Variants in CERS4 observed in about 807,000 individuals in gnomAD.
CERS4 encodes the protein ceramide synthase 4, also known as LAG1 homolog, ceramide synthase 4.
Under a neutral mutation model 51.8 loss-of-function variants are expected in CERS4, and 65 were observed. The observed-to-expected ratio is 1.26, with a 90% CI of 1.03 to 1.54. CERS4 has a LOEUF of 1.54. Ranked by LOEUF, CERS4 falls within the 40% of genes most tolerant of loss-of-function variation. CERS4 has a pLI of 0.00. For synonymous variants in CERS4, 228 were observed against 208.4 expected, an observed-to-expected ratio of 1.09 and a Z score of -0.81; for missense variants, 563 against 500.4, an observed-to-expected ratio of 1.13 and a Z score of -1.19.
chr19:8,219,287 G>C (rs1967432844), intron 2 of CERS4, among the ~76,000 whole-genome samples: 1 of 152,190 alleles, frequency 6.6e-6, no homozygotes, highest in Admixed American at 6.5e-5. Context: ...CAGGCTCTGA[G>C]GTCCACAGTT....
chr19:8,223,430 CAACATGTTGA>C (rs1035145091), intron 2 of CERS4, among the ~76,000 whole-genome samples: 2 of 151,638 alleles, frequency 1.3e-5, no homozygotes, highest in Admixed American at 1.3e-4. Context: ...CCAGCCTGAC[CAACATGTTGA>C]AACCCTGTCT....
At position 8,256,673 on chromosome 19, in the gene CERS4, C is replaced by T. The variant is rs1169687152; in HGVS notation, c.575C>T (p.Ser192Leu). Reference sequence around the variant, plus strand: ...CTCTTGGAGCTGGGTTTCTACCTCTCACTGCTAATCAGGCTGCCCTTTGAT... The same window carrying T: ...CTCTTGGAGCTGGGTTTCTACCTCTTACTGCTAATCAGGCTGCCCTTTGAT... ...WYLLELGFYL[S>L]LLIRLPFDVK... is the part of the protein sequence containing the mutation. The change falls in exon 8 of 12, where the codon TCA (serine) becomes TTA (leucine). Residue 192 changes from serine (S) to leucine (L), a missense_variant. Ser to Leu is a moderately radical substitution (Grantham distance 145). Transcript: ENST00000251363. The T allele has an allele frequency of 6.2e-7, 1 of 1,613,930 alleles. No individual in the cohort carries two copies. Among genetic ancestry groups the T allele is most frequent in the Non-Finnish European group, 8.5e-7 (1 of 1,179,928 alleles).
chr19:8,250,370 C>T (rs1055103122), intron 2 of CERS4, among the ~76,000 whole-genome samples: 6 of 152,188 alleles, frequency 3.9e-5, no homozygotes, highest in Non-Finnish European at 7.3e-5. Flanking sequence ...CTATTTTGGG[C>T]TGTGTTATTA....
chr19:8,254,775 A>G (rs12611014), intron 4 of CERS4, among the ~76,000 whole-genome samples, 159 bp downstream of exon 4: 2 of 152,038 alleles, frequency 1.3e-5, no homozygotes, highest in Non-Finnish European at 2.9e-5. Context: ...TCCCTGGGAA[A>G]GGGCTCTACC....
In CERS4 at chr19:8,255,714, C is replaced by A. The variant is rs1407588961; in HGVS notation, c.399C>A (p.Phe133Leu). 3 of 1,589,552 alleles carry A rather than the reference C, an allele frequency of 1.9e-6. No individual in the cohort carries two copies. In the African/African-American group the frequency reaches 4.1e-5, roughly 22 times the overall value. The change falls in exon 5 of 12, where the codon TTC becomes TTA. Residue 133 changes from phenylalanine to leucine, a missense_variant. Transcript: ENST00000251363. Reference protein sequence around the residue: ...NQDRPQLTKKFCEASWRFLFY... With the variant: ...NQDRPQLTKKLCEASWRFLFY... Reference sequence around the variant, plus strand: ...ATCGACCCCAGCTGACCAAGAAGTTCTGTGAGGCCAGGTAAGCCCAGGATG... The same window carrying A: ...ATCGACCCCAGCTGACCAAGAAGTTATGTGAGGCCAGGTAAGCCCAGGATG...
At position 8,262,219 on chromosome 19, in the gene CERS4, A is replaced by C. The variant is rs1336044474; in HGVS notation, c.*110A>C. On this transcript the variant is annotated 3_prime_UTR_variant, in exon 12 of 12. Transcript: ENST00000251363. ...CCTTTCTGGAGACAGGGAGGGCCCCACCCGGGGTGGGTGGGAAGGCTGATG... is the reference window on the plus strand; with the variant it reads ...CCTTTCTGGAGACAGGGAGGGCCCCCCCCGGGGTGGGTGGGAAGGCTGATG... 1.6e-6 allele frequency: 2 copies of C among 1,219,754 alleles called. No individual in the cohort carries two copies. The highest frequency in any genetic ancestry group is 2.8e-5 in the East Asian group (1 of 35,686). The allele number at this position is 1,219,754 out of a possible 1,614,324, so 75.6% of individuals were successfully genotyped here.
At chr19:8,227,235 C>A (rs1967824860) in intron 2 of CERS4, among the ~76,000 whole-genome samples, 1 of 152,146 alleles carries the variant, frequency 6.6e-6, no homozygotes, top group Non-Finnish European at 1.5e-5. Context: ...ATCAAACACA[C>A]CTTCAGTGGA....
intron 10 of CERS4, chr19:8,261,485 G>A (rs199601178): frequency 5.2e-5 from 31 of 593,896 alleles, no homozygotes; most frequent in East Asian, 4.2e-4. Context: ...CAGGGAGCTC[G>A]TGTGTGTGTT....
intron 2 of CERS4, among the ~76,000 whole-genome samples, chr19:8,243,904 G>C (rs543051240): frequency 1.3e-5 from 2 of 152,232 alleles, no homozygotes; most frequent in African/African-American, 4.8e-5. Context: ...CCTGAAATCA[G>C]CTCATCCATT....
intron 2 of CERS4, among the ~76,000 whole-genome samples, chr19:8,223,795 AAC>A (rs1967660010): frequency 6.6e-6 from 1 of 151,394 alleles, no homozygotes; most frequent in South Asian, 2.1e-4. Flanking sequence ...CAAAAACAAA[AAC>A]ACAAAAAACA....
intron 3 of CERS4, 53 bp from the exon 4 acceptor site, chr19:8,254,446 G>A: frequency 5.8e-6 from 9 of 1,544,414 alleles, no homozygotes; most frequent in Non-Finnish European, 8.0e-6. Flanking sequence ...CCCACACACA[G>A]GCAGTCCCAT....
intron 9 of CERS4, 64 bp downstream of exon 9, chr19:8,257,141 G>A: frequency 6.7e-7 from 1 of 1,503,056 alleles, no homozygotes; most frequent in South Asian, 1.3e-5. Context: ...GTGCCCCAGA[G>A]ATGAGGTCCC....
intron 2 of CERS4, among the ~76,000 whole-genome samples, chr19:8,232,587 C>T (rs960295312): frequency 1.1e-4 from 16 of 152,044 alleles, no homozygotes; most frequent in Admixed American, 2.6e-4. Flanking sequence ...CCACTGTGCC[C>T]GGCCTAGAAT....
rs916037548 is a variant in CERS4 at position 8,219,671 on chromosome 19, T to A, written c.-2+8809T>A. Reference sequence around the variant, plus strand: ...GTCTCTACTAAAAATACAAAAAAATTAGCCAGGTGTGGTGGCACATACCTG... The same window carrying A: ...GTCTCTACTAAAAATACAAAAAAATAAGCCAGGTGTGGTGGCACATACCTG... On this transcript the variant is annotated intron_variant, in intron 2 of 11. Coordinates refer to ENST00000251363, the MANE Select transcript of CERS4 (RefSeq NM_024552.3). 1.6e-4 allele frequency among the ~76,000 whole-genome samples: 24 copies of A among 151,846 alleles called. 1 individual carries two copies. Among genetic ancestry groups the A allele is most frequent in the Non-Finnish European group, 3.2e-4 (22 of 67,980 alleles).
intron 2 of CERS4, chr19:8,250,819 C>G: frequency 8.1e-7 from 1 of 1,231,368 alleles, no homozygotes; most frequent in Non-Finnish European, 1.0e-6. Context: ...TGAGGACACA[C>G]AGCCCAACTC....
At chr19:8,224,283 T>C (rs1967692223) in intron 2 of CERS4, among the ~76,000 whole-genome samples, 1 of 151,306 alleles carries the variant, frequency 6.6e-6, no homozygotes, top group Non-Finnish European at 1.5e-5. Flanking sequence ...GGCACGCGCT[T>C]GTAATCCCAG....
At chr19:8,227,543 T>C (rs1967838321) in intron 2 of CERS4, among the ~76,000 whole-genome samples, 1 of 152,120 alleles carries the variant, frequency 6.6e-6, no homozygotes, top group African/African-American at 2.4e-5. Context: ...GGTTTCACCA[T>C]GTTGCCCAGG....
chr19:8,255,813 C>G lies in CERS4; in HGVS notation c.411-9C>G. 1 of 1,613,992 alleles carries G rather than the reference C, an allele frequency of 6.2e-7. No homozygotes were observed. The highest frequency in any genetic ancestry group is 8.5e-7 in the Non-Finnish European group (1 of 1,180,010). ...TCTGCTATTTTCACAGCTCCCTCCCCATCCACAGCTGGAGGTTTCTCTTCT... is the reference window on the plus strand; with the variant it reads ...TCTGCTATTTTCACAGCTCCCTCCCGATCCACAGCTGGAGGTTTCTCTTCT... On this transcript the variant is annotated splice_polypyrimidine_tract_variant and intron_variant, in intron 5 of 11. Coordinates refer to ENST00000251363, the MANE Select transcript of CERS4 (RefSeq NM_024552.3).
At chr19:8,237,458 G>T (rs552414946) in intron 2 of CERS4, among the ~76,000 whole-genome samples, 1 of 152,056 alleles carries the variant, frequency 6.6e-6, no homozygotes, top group Non-Finnish European at 1.5e-5. Context: ...GGGAGGCTGC[G>T]GCAAGAGGAT....
Sources: allele counts gnomAD v4.1 joint callset (sites outside exome capture counted in the v4.1 genomes callset), GRCh38; gene constraint gnomAD v4.1.1; transcripts MANE v1.5; gene names NCBI Gene and HGNC (gene_info 2026-07-23, HGNC 2026-07-21).